Variants in ARHGAP15 observed in about 807,000 individuals in gnomAD.
The protein encoded by ARHGAP15 is Rho GTPase activating protein 15, also known as rho GTPase-activating protein 15.
In ARHGAP15, 51 loss-of-function variants were observed where a neutral mutation model predicts 63.7. The observed-to-expected ratio is 0.80, with a 90% CI of 0.64 to 1.01. The LOEUF is 1.01. ARHGAP15 is among the 50% of genes least tolerant of loss of function. The pLI is 0.00. For synonymous variants in ARHGAP15, 191 were observed against 193.8 expected (o/e 0.99, Z 0.12); for missense variants, 560 against 564.6 (o/e 0.99, Z 0.08).
chr2:143,534,880 CA>C (rs201593360), intron 10 of ARHGAP15, among the ~76,000 whole-genome samples: 18 of 143,894 alleles, frequency 1.3e-4, no homozygotes, highest in East Asian at 4.0e-4. Flanking sequence ...GAACCTGTCT[CA>C]AAAAAAAAAT....
At chr2:143,634,033 T>A (rs1330941880) in intron 12 of ARHGAP15, among the ~76,000 whole-genome samples, 2 of 152,142 alleles carry the variant, frequency 1.3e-5, no homozygotes, top group Admixed American at 6.6e-5. Context: ...AACTGATATA[T>A]CTGGCTTGCA....
At chr2:143,155,812 T>C (rs1690055485) in intron 2 of ARHGAP15, among the ~76,000 whole-genome samples, 157 bp downstream of exon 2, 1 of 151,926 alleles carries the variant, frequency 6.6e-6, no homozygotes, top group South Asian at 2.1e-4. Flanking sequence ...ACAGTCATGA[T>C]AATATCCCCA....
rs569059644 is a variant in ARHGAP15 at position 143,362,183 on chromosome 2, A to G, written c.475-73418A>G. 3.0e-4 allele frequency among the ~76,000 whole-genome samples: 45 copies of G among 152,284 alleles called. 1 individual carries two copies. The highest frequency in any genetic ancestry group is 2.1e-3 in the South Asian group (10 of 4,826). ...GGATGTATCCTTTTTACGTGCTCCTATAATACCCTGAATTATCACAATTAT... is the reference window on the plus strand; with the variant it reads ...GGATGTATCCTTTTTACGTGCTCCTGTAATACCCTGAATTATCACAATTAT... On this transcript the variant is annotated intron_variant, in intron 6 of 13. Transcript: ENST00000295095.
At chr2:143,155,329 G>T (rs903584316) in intron 1 of ARHGAP15, 148 bp from the exon 2 acceptor site, 6 of 687,504 alleles carry the variant, frequency 8.7e-6, no homozygotes, top group Non-Finnish European at 1.1e-5. Flanking sequence ...ACTTACAAAG[G>T]AACTACTTTT....
chr2:143,460,317 G>A (rs1359737857), intron 8 of ARHGAP15, among the ~76,000 whole-genome samples: 3 of 152,022 alleles, frequency 2.0e-5, no homozygotes, highest in East Asian at 3.9e-4. Flanking sequence ...TTGCTCACAC[G>A]AATTTTTTTC....
intron 6 of ARHGAP15, among the ~76,000 whole-genome samples, chr2:143,278,565 C>T (rs1681683053): frequency 6.6e-6 from 1 of 152,148 alleles, no homozygotes; most frequent in Non-Finnish European, 1.5e-5. Flanking sequence ...TTGTCATTCA[C>T]ATTTCTTACC....
At chr2:143,476,304 T>A (rs1476681098) in intron 8 of ARHGAP15, among the ~76,000 whole-genome samples, 1 of 152,198 alleles carries the variant, frequency 6.6e-6, no homozygotes, top group Non-Finnish European at 1.5e-5. Flanking sequence ...AATCTGGAAT[T>A]CTTCCTACTC....
chr2:143,561,674 C>T (rs1050594662), intron 11 of ARHGAP15, among the ~76,000 whole-genome samples: 1 of 151,886 alleles, frequency 6.6e-6, no homozygotes, highest in Non-Finnish European at 1.5e-5. Flanking sequence ...CGCCACCAAG[C>T]TCGGCTAATA....
chr2:143,556,178 T>G (rs1271894169), intron 10 of ARHGAP15, among the ~76,000 whole-genome samples: 1 of 152,132 alleles, frequency 6.6e-6, no homozygotes, highest in East Asian at 1.9e-4. Context: ...TTCTACCCAC[T>G]GCTCTTTTTG....
At chr2:143,372,098 G>A (rs1686584928) in intron 6 of ARHGAP15, among the ~76,000 whole-genome samples, 1 of 151,938 alleles carries the variant, frequency 6.6e-6, no homozygotes, top group Admixed American at 6.6e-5. Context: ...ACAGCACTTT[G>A]GGAGGCTGAG....
At chr2:143,739,579 A>G (rs767274146) in intron 13 of ARHGAP15, among the ~76,000 whole-genome samples, 1 of 152,202 alleles carries the variant, frequency 6.6e-6, no homozygotes, top group African/African-American at 2.4e-5. Context: ...GAACCCCAGT[A>G]TCTTTCAGGT....
chr2:143,244,770 G>T (rs1027774854), intron 5 of ARHGAP15, among the ~76,000 whole-genome samples: 5 of 152,174 alleles, frequency 3.3e-5, no homozygotes, highest in Admixed American at 2.0e-4. Context: ...TACAGAGAAT[G>T]AATTGCAAGG....
At chr2:143,533,524 T>A (rs909677233) in intron 10 of ARHGAP15, among the ~76,000 whole-genome samples, 3 of 152,180 alleles carry the variant, frequency 2.0e-5, no homozygotes, top group African/African-American at 7.2e-5. Flanking sequence ...TTATTCACAC[T>A]TTTGAGTATT....
intron 6 of ARHGAP15, among the ~76,000 whole-genome samples, chr2:143,421,287 A>T (rs779816570): frequency 3.9e-5 from 6 of 152,196 alleles, no homozygotes; most frequent in Non-Finnish European, 7.3e-5. Flanking sequence ...GTTATTGATC[A>T]CCCAGGCCTA....
chr2:143,656,292 T>C (rs919498784), intron 12 of ARHGAP15: 3 of 152,226 alleles, frequency 2.0e-5, no homozygotes, highest in African/African-American at 4.8e-5. Context: ...CTTCCCAACC[T>C]ATCAGAGCTA....
intron 6 of ARHGAP15, among the ~76,000 whole-genome samples, chr2:143,417,599 G>A (rs750692590): frequency 6.6e-6 from 1 of 152,146 alleles, no homozygotes; most frequent in Non-Finnish European, 1.5e-5. Context: ...TGAGACAGAA[G>A]CACCAAGTAG....
intron 10 of ARHGAP15, among the ~76,000 whole-genome samples, chr2:143,523,482 G>A (rs1441387254): frequency 6.6e-6 from 1 of 152,002 alleles, no homozygotes; most frequent in East Asian, 1.9e-4. Context: ...ATGTGATATA[G>A]GGAGTCCTTT....
chr2:143,616,626 C>T (rs756291362), intron 11 of ARHGAP15, among the ~76,000 whole-genome samples: 3 of 152,132 alleles, frequency 2.0e-5, no homozygotes, highest in Admixed American at 1.3e-4. Flanking sequence ...CTTCCTTCCT[C>T]CCTCTGTCGT....
chr2:143,647,171 A>ATATAT (rs1680920076), intron 12 of ARHGAP15, among the ~76,000 whole-genome samples: 1 of 151,848 alleles, frequency 6.6e-6, no homozygotes, highest in Admixed American at 6.6e-5. Context: ...CTCAAACCAG[A>ATATAT]AGACCTAGAG....
Sources: allele counts gnomAD v4.1 joint callset (sites outside exome capture counted in the v4.1 genomes callset), GRCh38; gene constraint gnomAD v4.1.1; transcripts MANE v1.5; gene names NCBI Gene and HGNC (gene_info 2026-07-23, HGNC 2026-07-21).